The following ARHGEF38 variants were observed in gnomAD, a reference collection of about 807,000 sequenced individuals.
ARHGEF38 encodes the protein Rho guanine nucleotide exchange factor (GEF) 38.
A neutral mutation model predicts 79.9 loss-of-function variants in ARHGEF38; 79 were observed. That is an observed-to-expected ratio of 0.99 (90% CI 0.82 to 1.19). ARHGEF38 has a LOEUF of 1.19. Among genes scored for constraint, ARHGEF38 ranks in the 50% most tolerant of loss-of-function variants. The pLI, the probability that ARHGEF38 is intolerant of heterozygous loss-of-function variation, is 0.00. For synonymous variants in ARHGEF38, 366 were observed against 328.3 expected (o/e 1.11, Z -1.24); for missense variants, 962 against 907.2 (o/e 1.06, Z -0.78).
chr4:105,625,932 G>A (rs962240052), intron 3 of ARHGEF38, among the ~76,000 whole-genome samples: 2 of 152,044 alleles, frequency 1.3e-5, no homozygotes, highest in Non-Finnish European at 2.9e-5. Flanking sequence ...CTTCTCTGCA[G>A]TCTCTTTTTC....
At chr4:105,555,350 A>G (rs573054748) in intron 1 of ARHGEF38, among the ~76,000 whole-genome samples, 1 of 152,274 alleles carries the variant, frequency 6.6e-6, no homozygotes, top group South Asian at 2.1e-4. Context: ...CGAACGCCTA[A>G]TAGAGCTTTT....
At chr4:105,595,897 T>A (rs1727557305) in intron 2 of ARHGEF38, among the ~76,000 whole-genome samples, 1 of 152,220 alleles carries the variant, frequency 6.6e-6, no homozygotes, top group African/African-American at 2.4e-5. Context: ...TCCATAGACA[T>A]GGAACTCAAG....
rs115741600 is a variant in ARHGEF38 at position 105,620,603 on chromosome 4, A to G, written c.508+7096A>G. Among the ~76,000 whole-genome samples the G allele has an allele frequency of 5.9e-3, 900 of 152,328 alleles. 11 individuals carry two copies. The highest frequency in any genetic ancestry group is 0.02 in the African/African-American group (844 of 41,566). ...CTTAGAGGTCCTGATCATGTTTTTC[A>G]AACAAGTCAGATTTGCTGGATGTGT... On this transcript the variant is annotated intron_variant, in intron 3 of 13. Coordinates refer to ENST00000420470, the MANE Select transcript of ARHGEF38 (RefSeq NM_001242729.2).
chr4:105,679,718 T>C lies in ARHGEF38; in HGVS notation c.*1781T>C, dbSNP rs1325896965. On this transcript the variant is annotated 3_prime_UTR_variant, in exon 14 of 14. Coordinates refer to ENST00000420470, the MANE Select transcript of ARHGEF38 (RefSeq NM_001242729.2). Reference sequence around the variant, plus strand: ...CCTACACATTTAAAAGTAATTTGTGTTTTTTGTTCCACATGTCTTAGTTGA... The same window carrying C: ...CCTACACATTTAAAAGTAATTTGTGCTTTTTGTTCCACATGTCTTAGTTGA... The C allele has an allele frequency of 3.7e-6, 3 of 814,648 alleles. No individual in the cohort carries two copies. Among genetic ancestry groups the C allele is most frequent in the African/African-American group, 3.4e-5 (2 of 59,020 alleles). 50.5% of individuals were successfully genotyped at this position (814,648 alleles called of 1,614,324 possible). A position where few individuals can be genotyped will look rare whatever the true frequency, so the allele number is the denominator to read the frequency against.
At chr4:105,647,476 TA>T (rs1282514899) in intron 6 of ARHGEF38, among the ~76,000 whole-genome samples, 1 of 152,218 alleles carries the variant, frequency 6.6e-6, no homozygotes, top group Non-Finnish European at 1.5e-5. Context: ...TCTCTAAGGA[TA>T]AATATATAGA....
chr4:105,554,740 T>A (rs537731118), intron 1 of ARHGEF38, among the ~76,000 whole-genome samples: 68 of 90,672 alleles, frequency 7.5e-4, no homozygotes, highest in Non-Finnish European at 1.3e-3. Flanking sequence ...GTTGGGAGAT[T>A]GAAATTAGAT....
At chr4:105,628,065 C>T (rs567155498) in intron 3 of ARHGEF38, among the ~76,000 whole-genome samples, 242 of 151,878 alleles carry the variant, frequency 1.6e-3, no homozygotes, top group Non-Finnish European at 3.0e-3. Flanking sequence ...AAAGTAAGAG[C>T]TATAAATTCT....
At chr4:105,553,379 G>A (rs1284162237) in intron 1 of ARHGEF38, among the ~76,000 whole-genome samples, 1 of 152,108 alleles carries the variant, frequency 6.6e-6, no homozygotes, top group African/African-American at 2.4e-5. Flanking sequence ...CTAGGTAATG[G>A]TACTGAACTA....
chr4:105,682,124 C>A (rs1731329601), downstream of ARHGEF38, among the ~76,000 whole-genome samples: 1 of 151,598 alleles, frequency 6.6e-6, no homozygotes, highest in Admixed American at 6.6e-5. Flanking sequence ...GGAGAGTTCA[C>A]AATTTATTGG....
intron 1 of ARHGEF38, among the ~76,000 whole-genome samples, chr4:105,553,671 A>G (rs1725110953): frequency 6.6e-6 from 1 of 152,192 alleles, no homozygotes; most frequent in Admixed American, 6.5e-5. Context: ...CTTAATCTAT[A>G]TCCTGTCCTA....
chr4:105,606,047 G>C (rs748160699), intron 2 of ARHGEF38, among the ~76,000 whole-genome samples: 2 of 152,044 alleles, frequency 1.3e-5, no homozygotes, highest in Non-Finnish European at 2.9e-5. Flanking sequence ...ATGCATCCAG[G>C]CCTCACCAAA....
At chr4:105,558,223 G>A (rs879900609) in intron 1 of ARHGEF38, among the ~76,000 whole-genome samples, 2 of 152,142 alleles carry the variant, frequency 1.3e-5, no homozygotes, top group Non-Finnish European at 2.9e-5. Context: ...GACTATGAGG[G>A]CATTTAATTT....
intron 4 of ARHGEF38, chr4:105,631,441 A>G (rs1281661131): frequency 2.0e-6 from 2 of 986,776 alleles, no homozygotes; most frequent in African/African-American, 1.7e-5. Context: ...GGAATGGCCT[A>G]CAACTCTGCA....
At chr4:105,632,757 TG>T (rs1026673908) in intron 4 of ARHGEF38, 1 of 152,352 alleles carries the variant, frequency 6.6e-6, no homozygotes, top group Non-Finnish European at 1.5e-5. Flanking sequence ...ATGCCAGCCC[TG>T]GGGATGGAGG....
rs1323339263 is a variant in ARHGEF38 at position 105,552,678 on chromosome 4, C to T, written c.-88C>T. On this transcript the variant is annotated 5_prime_UTR_variant, in exon 1 of 14. Coordinates refer to ENST00000420470, the MANE Select transcript of ARHGEF38 (RefSeq NM_001242729.2). ...TTAGTTAGAAGGGAGCAGATAAACT[C>T]GTCACTCTAGTAGCTTTAACCCTCA... The T allele has an allele frequency of 2.1e-5, 23 of 1,099,470 alleles. No homozygotes were observed. The South Asian group carries it at 2.1e-4, about 10-fold the overall frequency. 68.1% of individuals were successfully genotyped at this position (1,099,470 alleles called of 1,614,324 possible).
chr4:105,639,566 C>T (rs992307908), intron 5 of ARHGEF38, among the ~76,000 whole-genome samples: 16 of 151,846 alleles, frequency 1.1e-4, no homozygotes, highest in Admixed American at 4.6e-4. Flanking sequence ...AAGAATGAGG[C>T]CAAAATCCAT....
At position 105,576,705 on chromosome 4, in the gene ARHGEF38, A is replaced by G. The variant is rs1346414430; in HGVS notation, c.197-12543A>G. 3.9e-5 allele frequency among the ~76,000 whole-genome samples: 6 copies of G among 152,086 alleles called. No individual in the cohort carries two copies. In the East Asian group the frequency reaches 5.8e-4, roughly 15 times the overall value. ...TGCTCTGGCTAGGACTTCCAGTACT[A>G]TGTTGAATAGGAATGGTAAAAGTGG... On this transcript the variant is annotated intron_variant, in intron 1 of 13. Transcript: ENST00000420470.
chr4:105,598,055 G>T (rs573849174), intron 2 of ARHGEF38, among the ~76,000 whole-genome samples: 5 of 151,842 alleles, frequency 3.3e-5, no homozygotes, highest in African/African-American at 1.2e-4. Context: ...TAGAGACTAC[G>T]TTTAAGAATA....
chr4:105,580,816 A>T (rs172020), intron 1 of ARHGEF38, among the ~76,000 whole-genome samples: 4 of 151,594 alleles, frequency 2.6e-5, no homozygotes, highest in Admixed American at 6.6e-5. Flanking sequence ...TGGTTCAAGC[A>T]ATTCTCCACC....
Sources: gnomAD v4.1 joint callset for allele counts (sites outside exome capture counted in the v4.1 genomes callset) on GRCh38, gnomAD v4.1.1 for gene constraint, MANE v1.5 for transcripts, NCBI Gene and HGNC (gene_info 2026-07-23, HGNC 2026-07-21) for gene names.